Variants in BBOX1 observed in about 807,000 individuals in gnomAD.
The protein encoded by BBOX1 is gamma-butyrobetaine dioxygenase.
In BBOX1, 35 loss-of-function variants were observed where a neutral mutation model predicts 41.6. That is an observed-to-expected ratio of 0.84 (90% CI 0.64 to 1.11). The LOEUF is 1.11. Among genes scored for constraint, BBOX1 ranks in the 50% most tolerant of loss-of-function variants. The pLI is 0.00. For missense variants in BBOX1, 458 were observed against 460.6 expected (o/e 0.99, Z 0.05); for synonymous variants, 163 against 154.7 (o/e 1.05, Z -0.40).
At chr11:27,080,491 C>T (rs539560151) in intron 4 of BBOX1, among the ~76,000 whole-genome samples, 24 of 152,194 alleles carry the variant, frequency 1.6e-4, no homozygotes, top group East Asian at 1.2e-3. Flanking sequence ...GTGTCTGCTA[C>T]GTACTAGGCA....
At chr11:27,061,112 C>T (rs1412373493) in intron 4 of BBOX1, among the ~76,000 whole-genome samples, 1 of 152,040 alleles carries the variant, frequency 6.6e-6, no homozygotes, top group African/African-American at 2.4e-5. Context: ...CCTTCAAGTT[C>T]TCCTTTTGAT....
intron 4 of BBOX1, among the ~76,000 whole-genome samples, chr11:27,073,389 G>A (rs946733849): frequency 2.7e-4 from 41 of 151,992 alleles, no homozygotes; most frequent in African/African-American, 7.7e-4. Context: ...TTAGAATGGC[G>A]ATCATTAAAA....
chr11:27,055,316 T>C (rs1017133397), intron 2 of BBOX1, 77 bp from the exon 3 acceptor site: 2 of 966,934 alleles, frequency 2.1e-6, no homozygotes, highest in African/African-American at 1.6e-5. Flanking sequence ...CAGAGTCCAC[T>C]TGAAGTGTTC....
chr11:27,088,868 A>G (rs1858135606), intron 4 of BBOX1, among the ~76,000 whole-genome samples: 1 of 152,004 alleles, frequency 6.6e-6, no homozygotes, highest in Non-Finnish European at 1.5e-5. Context: ...TGGAGATTAA[A>G]AGAAATAAGG....
intron 5 of BBOX1, among the ~76,000 whole-genome samples, chr11:27,096,157 A>G (rs1331023634): frequency 3.9e-5 from 6 of 151,976 alleles, no homozygotes; most frequent in Non-Finnish European, 8.8e-5. Flanking sequence ...GGGGTGCTTT[A>G]TATCATCTGA....
intron 6 of BBOX1, among the ~76,000 whole-genome samples, chr11:27,118,640 C>T (rs779571561): frequency 6.6e-6 from 1 of 151,536 alleles, no homozygotes; most frequent in South Asian, 2.1e-4. Flanking sequence ...GGGTTTTATA[C>T]ATGACAGGCA....
intron 8 of BBOX1, among the ~76,000 whole-genome samples, chr11:27,126,293 T>C (rs1410679959): frequency 6.6e-6 from 1 of 152,224 alleles, no homozygotes; most frequent in Non-Finnish European, 1.5e-5. Flanking sequence ...TTTTCCTTTG[T>C]ATATATTTTT....
chr11:27,085,413 T>A (rs1442942), intron 4 of BBOX1, among the ~76,000 whole-genome samples: 92,057 of 152,004 alleles, frequency 0.61, 30,212 homozygotes, highest in East Asian at 0.94. Flanking sequence ...TATTTTCATA[T>A]CTGTTATAGT....
At chr11:27,054,191 G>C (rs534925034) in intron 2 of BBOX1, among the ~76,000 whole-genome samples, 3 of 124,690 alleles carry the variant, frequency 2.4e-5, no homozygotes, top group South Asian at 5.6e-4. Flanking sequence ...TTTATAAGCT[G>C]TGTGTGTGTG....
chr11:27,125,987 T>C (rs768928909), intron 8 of BBOX1, among the ~76,000 whole-genome samples, 167 bp downstream of exon 8: 2 of 152,182 alleles, frequency 1.3e-5, no homozygotes, highest in Non-Finnish European at 2.9e-5. Flanking sequence ...GTGGCCCTCA[T>C]TGAGGTTTAT....
intron 4 of BBOX1, among the ~76,000 whole-genome samples, chr11:27,086,563 TA>T (rs1472125301): frequency 6.6e-6 from 1 of 152,160 alleles, no homozygotes; most frequent in Non-Finnish European, 1.5e-5. Context: ...ACTGACAATG[TA>T]ACTAGTCATT....
At chr11:27,092,750 A>ATGC (rs1452161861) in intron 4 of BBOX1, among the ~76,000 whole-genome samples, 4 of 151,782 alleles carry the variant, frequency 2.6e-5, no homozygotes, top group Admixed American at 2.6e-4. Context: ...GAGTAGACAT[A>ATGC]TGCTGTTCTA....
Position 27,127,572 on chromosome 11 carries a change from A to T in BBOX1, c.*119A>T. The T allele has an allele frequency of 8.7e-7, 1 of 1,151,704 alleles. No homozygotes were observed. The highest frequency in any genetic ancestry group is 1.7e-5 in the South Asian group (1 of 60,474). The allele number at this position is 1,151,704 out of a possible 1,614,324, so 71.3% of individuals were successfully genotyped here. ...ATAATTTCCTTAACAATGAACATGT[A>T]ACTTCTCTCACAAGAGTACTCTTTA... On this transcript the variant is annotated 3_prime_UTR_variant, in exon 9 of 9. Coordinates refer to ENST00000263182, the MANE Select transcript of BBOX1 (RefSeq NM_003986.3).
chr11:27,086,619 A>G lies in BBOX1; in HGVS notation c.335-6549A>G, dbSNP rs1384084164. On this transcript the variant is annotated intron_variant, in intron 4 of 8. Transcript: ENST00000263182. Reference sequence around the variant, plus strand: ...GTACAAGGAGATTGATGCTGTTTTTATGCCTGCTAACGCAACATTCATTCT... The same window carrying G: ...GTACAAGGAGATTGATGCTGTTTTTGTGCCTGCTAACGCAACATTCATTCT... Among the ~76,000 whole-genome samples, 10 of 152,248 alleles carry G rather than the reference A, an allele frequency of 6.6e-5. No homozygotes were observed. In the East Asian group the frequency reaches 1.9e-3, roughly 29 times the overall value.
chr11:27,107,238 C>G (rs2134076218), intron 5 of BBOX1, among the ~76,000 whole-genome samples: 1 of 152,144 alleles, frequency 6.6e-6, no homozygotes, highest in African/African-American at 2.4e-5. Context: ...TAACTAAGAT[C>G]AGAGCAGAAC....
At chr11:27,113,937 C>A (rs2134091600) in intron 5 of BBOX1, among the ~76,000 whole-genome samples, 1 of 151,756 alleles carries the variant, frequency 6.6e-6, no homozygotes, top group South Asian at 2.1e-4. Flanking sequence ...ATAAAGGCAT[C>A]CAAGTGAGAA....
intron 4 of BBOX1, among the ~76,000 whole-genome samples, chr11:27,089,039 A>G (rs1269396623): frequency 6.6e-6 from 1 of 152,014 alleles, no homozygotes; most frequent in Non-Finnish European, 1.5e-5. Flanking sequence ...TTTATAAAAG[A>G]GTGAGACACA....
At chr11:27,069,356 A>G (rs938783762) in intron 4 of BBOX1, among the ~76,000 whole-genome samples, 3 of 149,674 alleles carry the variant, frequency 2.0e-5, no homozygotes, top group African/African-American at 7.5e-5. Flanking sequence ...GACTGAGTTC[A>G]TGGTTTGATT....
chr11:27,092,609 T>C (rs893714677), intron 4 of BBOX1, among the ~76,000 whole-genome samples: 1 of 151,970 alleles, frequency 6.6e-6, no homozygotes, highest in Non-Finnish European at 1.5e-5. Flanking sequence ...ATTCCAGGAA[T>C]ATACCTTCAT....
Sources: allele counts gnomAD v4.1 joint callset (sites outside exome capture counted in the v4.1 genomes callset), GRCh38; gene constraint gnomAD v4.1.1; transcripts MANE v1.5; gene names NCBI Gene and HGNC (gene_info 2026-07-23, HGNC 2026-07-21).